ST7: variants seen among roughly 807,000 people sequenced by gnomAD.
ST7 encodes the protein suppression of tumorigenicity 7.
Under a neutral mutation model 78.7 loss-of-function variants are expected in ST7, and 28 were observed. The ratio of observed to expected loss-of-function variants is 0.36; its 90% CI spans 0.26 to 0.49. The LOEUF (loss-of-function observed/expected upper bound fraction) is 0.49, where lower values mean the gene tolerates loss of function less well. Among genes scored for constraint, ST7 ranks in the 20% least tolerant of loss-of-function variants. ST7 has a pLI of 0.99. For missense variants in ST7, 418 were observed against 696.0 expected, an observed-to-expected ratio of 0.60 and a Z score of 4.49; for synonymous variants, 247 against 249.6, an observed-to-expected ratio of 0.99 and a Z score of 0.10.
At chr7:116,958,237 A>T (rs1792627920) in intron 1 of ST7, among the ~76,000 whole-genome samples, 1 of 127,460 alleles carries the variant, frequency 7.8e-6, no homozygotes, top group African/African-American at 3.1e-5. Context: ...AAGCAGTCCT[A>T]CTGCCTCCAC....
At chr7:116,983,454 C>G (rs919018226) in intron 1 of ST7, among the ~76,000 whole-genome samples, 11 of 152,104 alleles carry the variant, frequency 7.2e-5, no homozygotes, top group African/African-American at 2.7e-4. Flanking sequence ...GTTTTGAAAC[C>G]ACATGCTGAG....
chr7:116,993,661 G>A (rs1794524215), intron 1 of ST7, among the ~76,000 whole-genome samples: 1 of 152,264 alleles, frequency 6.6e-6, no homozygotes, highest in South Asian at 2.1e-4. Flanking sequence ...CATGGGCCAG[G>A]AGCATAATAA....
At chr7:117,047,478 G>T (rs1797549534) in intron 1 of ST7, among the ~76,000 whole-genome samples, 1 of 152,094 alleles carries the variant, frequency 6.6e-6, no homozygotes, top group African/African-American at 2.4e-5. Context: ...GTATTCACAT[G>T]ATATAATTAT....
intron 9 of ST7, chr7:117,144,377 C>G (rs898606407): frequency 1.3e-5 from 2 of 151,892 alleles, no homozygotes; most frequent in African/African-American, 4.8e-5. Context: ...CTTGTAATCC[C>G]AGCACTTTGG....
intron 1 of ST7, among the ~76,000 whole-genome samples, chr7:116,989,628 C>T (rs187168883): frequency 5.9e-5 from 9 of 151,782 alleles, no homozygotes; most frequent in Admixed American, 2.6e-4. Context: ...TGCTTGAGTC[C>T]GGGAGTTTGA....
chr7:117,003,044 G>A (rs1448071126), intron 1 of ST7, among the ~76,000 whole-genome samples: 3 of 151,756 alleles, frequency 2.0e-5, no homozygotes, highest in Non-Finnish European at 4.4e-5. Context: ...GGCTGGTCTC[G>A]AACTCCTGCC....
At chr7:117,205,463 G>A (rs193584) in intron 12 of ST7, among the ~76,000 whole-genome samples, 105,973 of 151,970 alleles carry the variant, frequency 0.7, 37,348 homozygotes, top group East Asian at 0.92. Context: ...TGAAAATCCC[G>A]AAAAAATAGT....
intron 9 of ST7, among the ~76,000 whole-genome samples, chr7:117,160,246 AG>A (rs57643910): frequency 0.1 from 15,282 of 147,560 alleles, 1,414 homozygotes; most frequent in African/African-American, 0.25. Context: ...AAAAAAAAAA[AG>A]AAAGAAAGAA....
intron 1 of ST7, chr7:116,956,741 GA>G (rs1226332233): frequency 2.3e-6 from 1 of 437,336 alleles, no homozygotes; most frequent in African/African-American, 2.1e-5. Flanking sequence ...AGCTTAACTC[GA>G]TTTTTTTTTA....
intron 1 of ST7, among the ~76,000 whole-genome samples, chr7:117,094,009 G>A (rs1800839148): frequency 6.6e-6 from 1 of 152,160 alleles, no homozygotes; most frequent in Non-Finnish European, 1.5e-5. Flanking sequence ...GCATAAACTT[G>A]TTAGAGAGAA....
intron 9 of ST7, among the ~76,000 whole-genome samples, chr7:117,142,157 CCTCT>C (rs1805367528): frequency 6.6e-6 from 1 of 151,832 alleles, no homozygotes; most frequent in Non-Finnish European, 1.5e-5. Flanking sequence ...TCAAGTTTTC[CCTCT>C]GTCTTTCCCT....
intron 1 of ST7, among the ~76,000 whole-genome samples, chr7:117,006,858 T>A (rs1345366073): frequency 6.6e-6 from 1 of 152,230 alleles, no homozygotes; most frequent in Non-Finnish European, 1.5e-5. Context: ...CTGTGATCAG[T>A]GATCTTTGAT....
chr7:117,207,969 T>C (rs1372640169), intron 12 of ST7, among the ~76,000 whole-genome samples: 1 of 152,114 alleles, frequency 6.6e-6, no homozygotes, highest in Non-Finnish European at 1.5e-5. Flanking sequence ...TCGGGGTCCT[T>C]TAAGACTATC....
intron 9 of ST7, among the ~76,000 whole-genome samples, chr7:117,141,746 T>G (rs557469900): frequency 6.6e-6 from 1 of 152,084 alleles, no homozygotes; most frequent in Non-Finnish European, 1.5e-5. Flanking sequence ...CTTGGCTCAC[T>G]ACAGCCTTGA....
At chr7:116,988,310 T>C (rs1291391915) in intron 1 of ST7, among the ~76,000 whole-genome samples, 1 of 152,194 alleles carries the variant, frequency 6.6e-6, no homozygotes, top group Non-Finnish European at 1.5e-5. Context: ...AGGTTTTGAG[T>C]TTACCCACTT....
At chr7:117,088,792 A>G (rs979786821) in intron 1 of ST7, among the ~76,000 whole-genome samples, 3 of 152,204 alleles carry the variant, frequency 2.0e-5, no homozygotes, top group African/African-American at 7.2e-5. Flanking sequence ...CAGTATGAAG[A>G]CAAGAACAAA....
intron 1 of ST7, chr7:116,959,571 CTGAG>C (rs1168252744): frequency 1.3e-5 from 3 of 222,420 alleles, no homozygotes; most frequent in African/African-American, 7.1e-5. Context: ...AAATGCATTA[CTGAG>C]TATGTGCCCC....
At chr7:117,216,238 T>C (rs892641599) in intron 13 of ST7, among the ~76,000 whole-genome samples, 2 of 152,178 alleles carry the variant, frequency 1.3e-5, no homozygotes, top group African/African-American at 2.4e-5. Context: ...CAGTTTCATT[T>C]TGACCCTTCA....
intron 1 of ST7, among the ~76,000 whole-genome samples, chr7:116,965,029 A>G (rs907281308): frequency 2.6e-5 from 4 of 152,246 alleles, no homozygotes; most frequent in Admixed American, 2.0e-4. Context: ...ATGCAGACTT[A>G]GTTTAGGCTA....
Sources: allele counts gnomAD v4.1 joint callset (sites outside exome capture counted in the v4.1 genomes callset), GRCh38; gene constraint gnomAD v4.1.1; transcripts MANE v1.5; gene names NCBI Gene and HGNC (gene_info 2026-07-23, HGNC 2026-07-21).